PVR: variants seen among roughly 807,000 people sequenced by gnomAD.
PVR encodes poliovirus receptor.
PVR carries 39 observed loss-of-function variants against 43.3 expected under a neutral mutation model. The observed-to-expected ratio is 0.90, with a 90% confidence interval of 0.70 to 1.18. The LOEUF (loss-of-function observed/expected upper bound fraction) is 1.18. PVR is among the 50% of genes most tolerant of loss of function. PVR has a pLI of 0.00. For missense variants in PVR, 480 were observed against 549.7 expected (o/e 0.87, Z 1.27); for synonymous variants, 224 against 233.2 (o/e 0.96, Z 0.36).
intron 2 of PVR, among the ~76,000 whole-genome samples, chr19:44,648,992 T>C (rs1036454621): frequency 1.3e-5 from 2 of 152,232 alleles, no homozygotes; most frequent in Non-Finnish European, 2.9e-5. Context: ...AGACTTTATG[T>C]GAAAGCCCAG....
intron 2 of PVR, 100 bp downstream of exon 2, chr19:44,647,670 T>G (rs1973167334): frequency 9.6e-3 from 4,123 of 429,288 alleles, no homozygotes; most frequent in Non-Finnish European, 0.015. Flanking sequence ...GGGAGGGAGA[T>G]TCCCTCCACA....
At chr19:44,647,077 T>TTCCC in intron 1 of PVR, 146 bp from the exon 2 acceptor site, 2 of 311,374 alleles carry the variant, frequency 6.4e-6, no homozygotes, top group Admixed American at 5.1e-5. Context: ...GTGCCCCAGT[T>TTCCC]CCCCCTCCCC....
chr19:44,651,521 T>C, intron 3 of PVR, among the ~76,000 whole-genome samples: 1 of 152,182 alleles, frequency 6.6e-6, no homozygotes, highest in East Asian at 1.9e-4. Flanking sequence ...TTGTTTGTGC[T>C]GGCTCCCCTA....
chr19:44,665,635 C>CAAAAAAAAAAAAAAAAAAAAAAAAAAAA lies in PVR; in HGVS notation c.*3849_*3850insAAAAAAAAAAAAAAAAAAAAAAAAAAAA, dbSNP rs61229833. 1.7e-5 allele frequency: 1 copy of CAAAAAAAAAAAAAAAAAAAAAAAAAAAA among 58,382 alleles called. No homozygotes were observed. 3.6% of individuals were successfully genotyped at this position (58,382 alleles called of 1,614,324 possible). ...GGTGACAAGAGTGAGACTCTGTCTC[C>CAAAAAAAAAAAAAAAAAAAAAAAAAAAA]AAAAAAAAAAAAAAAAAAAAAAAAA... On this transcript the variant is annotated 3_prime_UTR_variant, in exon 8 of 8. Coordinates refer to ENST00000425690, the MANE Select transcript of PVR (RefSeq NM_006505.5).
At position 44,662,143 on chromosome 19, in the gene PVR, CT is replaced by C; in HGVS notation, c.*333del. The C allele has an allele frequency of 3.2e-6, 1 of 308,228 alleles. No homozygotes were observed. Among genetic ancestry groups the C allele is most frequent in the Non-Finnish European group, 6.2e-6 (1 of 161,228 alleles). The allele number at this position is 308,228 out of a possible 1,614,324, so 19.1% of individuals were successfully genotyped here. A position where few individuals can be genotyped will look rare whatever the true frequency, so the allele number is the denominator to read the frequency against. On this transcript the variant is annotated 3_prime_UTR_variant, in exon 8 of 8. Coordinates refer to ENST00000425690, the MANE Select transcript of PVR (RefSeq NM_006505.5). Reference sequence around the variant, plus strand: ...TGAGGCGACGGCTTCCATCTGCCCTCTCCCAGTGGAGCCATATAGGCAGCAC... The same window carrying C: ...TGAGGCGACGGCTTCCATCTGCCCTCCCCAGTGGAGCCATATAGGCAGCAC...
rs1242876093 is a variant in PVR at position 44,665,524 on chromosome 19, C to T, written c.*3713C>T. The T allele has an allele frequency of 6.6e-6, 1 of 151,060 alleles. No individual in the cohort carries two copies. The highest frequency in any genetic ancestry group is 2.4e-5 in the African/African-American group (1 of 40,874). 9.4% of individuals were successfully genotyped at this position (151,060 alleles called of 1,614,324 possible). A position where few individuals can be genotyped will look rare whatever the true frequency, so the allele number is the denominator to read the frequency against. On this transcript the variant is annotated 3_prime_UTR_variant, in exon 8 of 8. Coordinates refer to ENST00000425690, the MANE Select transcript of PVR (RefSeq NM_006505.5). ...TGGTGCATGCTTGTAATCCCAGCTA[C>T]TCAGAAGGCTGAGGTGGGAGAATCC... is the stretch of plus-strand genomic sequence containing the variant.
At chr19:44,651,597 C>T (rs1973281546) in intron 3 of PVR, among the ~76,000 whole-genome samples, 1 of 152,184 alleles carries the variant, frequency 6.6e-6, no homozygotes, top group African/African-American at 2.4e-5. Flanking sequence ...TCTACACTGG[C>T]TCATCTACAG....
rs1347872755 is a variant in PVR, at chr19:44,662,740, C to G, written c.*929C>G. ...CGATCTTTCTTTGGGCAAGGTTAAGCCTTTACTGCATAGCAGACCACACAG... is the reference window on the plus strand; with the variant it reads ...CGATCTTTCTTTGGGCAAGGTTAAGGCTTTACTGCATAGCAGACCACACAG... On this transcript the variant is annotated 3_prime_UTR_variant, in exon 8 of 8. Coordinates refer to ENST00000425690, the MANE Select transcript of PVR (RefSeq NM_006505.5). 6.6e-6 allele frequency: 1 copy of G among 152,186 alleles called. No homozygotes were observed. Among genetic ancestry groups the G allele is most frequent in the East Asian group, 1.9e-4 (1 of 5,200 alleles). The allele number at this position is 152,186 out of a possible 1,614,324, so 9.4% of individuals were successfully genotyped here. A position where few individuals can be genotyped will look rare whatever the true frequency, so the allele number is the denominator to read the frequency against.
At chr19:44,647,842 G>T (rs575456896) in intron 2 of PVR, among the ~76,000 whole-genome samples, 110 of 152,020 alleles carry the variant, frequency 7.2e-4, no homozygotes, top group Middle Eastern at 3.4e-3. Flanking sequence ...AGGAGGAGGG[G>T]TATATTGGAA....
intron 2 of PVR, among the ~76,000 whole-genome samples, chr19:44,648,542 G>A (rs1973192806): frequency 1.3e-5 from 2 of 151,632 alleles, no homozygotes; most frequent in Admixed American, 6.6e-5. Context: ...GTGCAGTGGT[G>A]TGATCATAGT....
At chr19:44,648,990 T>C (rs58506884) in intron 2 of PVR, among the ~76,000 whole-genome samples, 8,929 of 152,292 alleles carry the variant, frequency 0.059, 547 homozygotes, top group African/African-American at 0.16. Flanking sequence ...ACAGACTTTA[T>C]GTGAAAGCCC....
At chr19:44,654,511 G>C (rs1197604399) in intron 4 of PVR, among the ~76,000 whole-genome samples, 1 of 152,174 alleles carries the variant, frequency 6.6e-6, no homozygotes, top group Non-Finnish European at 1.5e-5. Context: ...CTGCTTTTTG[G>C]GGTGTGCCTG....
At chr19:44,649,281 T>G (rs138453580) in intron 2 of PVR, among the ~76,000 whole-genome samples, 1 of 152,250 alleles carries the variant, frequency 6.6e-6, no homozygotes, top group East Asian at 1.9e-4. Flanking sequence ...TATATACCAT[T>G]CTAAGAGCTT....
intron 1 of PVR, 91 bp from the exon 2 acceptor site, chr19:44,647,132 G>A: frequency 3.0e-6 from 2 of 664,488 alleles, no homozygotes; most frequent in Non-Finnish European, 4.4e-6. Flanking sequence ...CAGCGTGCAA[G>A]TGCACGCCCA....
rs1972999613 is a variant in PVR at position 44,644,009 on chromosome 19, C to T, written c.-88C>T. The T allele has an allele frequency of 8.8e-7, 1 of 1,142,668 alleles. No individual in the cohort carries two copies. Among genetic ancestry groups the T allele is most frequent in the East Asian group, 3.0e-5 (1 of 33,410 alleles). 70.8% of individuals were successfully genotyped at this position (1,142,668 alleles called of 1,614,324 possible). A position where few individuals can be genotyped will look rare whatever the true frequency, so the allele number is the denominator to read the frequency against. On this transcript the variant is annotated 5_prime_UTR_variant, in exon 1 of 8. Transcript: ENST00000425690. ...GATTCCAGGACCTGAGCTCCGGGAG[C>T]TGGACTCGCAGCGACCGCGGCAGAG...
chr19:44,661,771 A>G lies in PVR; in HGVS notation c.1214A>G (p.Asn405Ser). Residue 405 changes from asparagine to serine, a missense_variant, in exon 8 of 8, where the codon AAC becomes AGC. Asn to Ser is a conservative substitution (Grantham distance 46, BLOSUM62 1). Coordinates refer to ENST00000425690, the MANE Select transcript of PVR (RefSeq NM_006505.5). ...HVSYSAVSRENSSSQDPQTEG... is the reference protein window; with the variant it reads ...HVSYSAVSRESSSSQDPQTEG... Reference sequence around the variant, plus strand: ...TCCTATTCAGCTGTGAGCAGAGAGAACAGCTCTTCCCAGGATCCACAGACA... The same window carrying G: ...TCCTATTCAGCTGTGAGCAGAGAGAGCAGCTCTTCCCAGGATCCACAGACA... 1.2e-6 allele frequency: 2 copies of G among 1,614,016 alleles called. No individual in the cohort carries two copies. The highest frequency in any genetic ancestry group is 2.2e-5 in the South Asian group (2 of 91,070).
chr19:44,661,409 A>C, intron 7 of PVR, 86 bp downstream of exon 7: 2 of 1,427,602 alleles, frequency 1.4e-6, no homozygotes, highest in Non-Finnish European at 2.0e-6. Context: ...GCCCGGCCTC[A>C]GGAGCCTGGG....
At chr19:44,646,387 T>C (rs973725498) in intron 1 of PVR, among the ~76,000 whole-genome samples, 15 of 152,174 alleles carry the variant, frequency 9.9e-5, no homozygotes, top group African/African-American at 1.4e-4. Flanking sequence ...GTTTTCTACA[T>C]TGGGGTTATT....
chr19:44,646,225 G>A (rs1393480440), intron 1 of PVR, among the ~76,000 whole-genome samples: 1 of 152,140 alleles, frequency 6.6e-6, no homozygotes, highest in African/African-American at 2.4e-5. Flanking sequence ...TAACCGGCCT[G>A]AAGCTCCACA....
Sources: gnomAD v4.1 joint callset for allele counts (sites outside exome capture counted in the v4.1 genomes callset) on GRCh38, gnomAD v4.1.1 for gene constraint, MANE v1.5 for transcripts, NCBI Gene and HGNC (gene_info 2026-07-23, HGNC 2026-07-21) for gene names.